Variants in MACROD2 observed in about 807,000 individuals in gnomAD.
MACROD2 encodes the protein mono-ADP ribosylhydrolase 2.
In MACROD2, 36 loss-of-function variants were observed where a neutral mutation model predicts 70.4. The ratio of observed to expected loss-of-function variants is 0.51; its 90% CI spans 0.39 to 0.68. The LOEUF is 0.68. Among genes scored for constraint, MACROD2 ranks in the 30% least tolerant of loss-of-function variants. The pLI, the probability that MACROD2 is intolerant of heterozygous loss-of-function variation, is 0.00. For synonymous variants in MACROD2, 172 were observed against 178.8 expected (o/e 0.96, Z 0.30); for missense variants, 496 against 538.4 (o/e 0.92, Z 0.78).
chr20:14,340,757 A>G (rs191697762), intron 3 of MACROD2, among the ~76,000 whole-genome samples: 117 of 152,298 alleles, frequency 7.7e-4, no homozygotes, highest in African/African-American at 2.7e-3. Context: ...TGCATTTCAG[A>G]TTGAAAGCAA....
intron 8 of MACROD2, among the ~76,000 whole-genome samples, chr20:15,632,916 C>CCCTTCCTCCCCTTCTTTCTT (rs1213991145): frequency 3.5e-4 from 53 of 151,166 alleles, no homozygotes; most frequent in Non-Finnish European, 6.9e-4. Context: ...CCTTCTTTCT[C>CCCTTCCTCCCCTTCTTTCTT]CCTTCCTCCC....
intron 5 of MACROD2, among the ~76,000 whole-genome samples, chr20:14,829,548 G>A (rs1224256697): frequency 1.3e-5 from 2 of 152,000 alleles, no homozygotes; most frequent in African/African-American, 4.8e-5. Context: ...AGCGGCAGTT[G>A]TCTAATGATG....
intron 3 of MACROD2, among the ~76,000 whole-genome samples, chr20:14,342,243 GA>G (rs2083021154): frequency 1.3e-5 from 2 of 152,208 alleles, no homozygotes; most frequent in East Asian, 3.9e-4. Flanking sequence ...GGTTGAGAAG[GA>G]AGGAGTGGAT....
chr20:14,443,600 T>TG (rs2084151018), intron 3 of MACROD2, among the ~76,000 whole-genome samples: 1 of 152,092 alleles, frequency 6.6e-6, no homozygotes, highest in Non-Finnish European at 1.5e-5. Context: ...CCCAGCCTGA[T>TG]GTATGCTATT....
chr20:14,508,815 G>T (rs1679839719), intron 4 of MACROD2, among the ~76,000 whole-genome samples: 1 of 152,058 alleles, frequency 6.6e-6, no homozygotes, highest in Non-Finnish European at 1.5e-5. Context: ...TTACCACCCA[G>T]ATTCTACCTT....
At chr20:14,967,455 T>G (rs115647718) in intron 5 of MACROD2, among the ~76,000 whole-genome samples, 3,343 of 152,088 alleles carry the variant, frequency 0.022, 132 homozygotes, top group African/African-American at 0.075. Flanking sequence ...TGAGCCACCG[T>G]GCCTGGCCGG....
intron 8 of MACROD2, among the ~76,000 whole-genome samples, chr20:15,576,525 T>TGACTAACTTTGTTA (rs1338192948): frequency 2.0e-5 from 3 of 150,904 alleles, no homozygotes; most frequent in Non-Finnish European, 2.9e-5. Context: ...TCCACCAGAC[T>TGACTAACTTTGTTA]GACTAACTTT....
chr20:14,741,772 G>A (rs931721573), intron 5 of MACROD2, among the ~76,000 whole-genome samples: 1 of 151,950 alleles, frequency 6.6e-6, no homozygotes, highest in Non-Finnish European at 1.5e-5. Context: ...CAGTATATGA[G>A]TATAGTCACA....
intron 5 of MACROD2, among the ~76,000 whole-genome samples, chr20:14,716,525 A>T (rs2071398782): frequency 6.6e-6 from 1 of 151,878 alleles, no homozygotes; most frequent in Admixed American, 6.6e-5. Flanking sequence ...GTGGGGAGGG[A>T]TTATTTGTTT....
intron 8 of MACROD2, among the ~76,000 whole-genome samples, chr20:15,653,280 A>C (rs1043091361): frequency 8.5e-5 from 13 of 152,244 alleles, no homozygotes; most frequent in African/African-American, 2.7e-4. Context: ...TCACTTATTC[A>C]TGACATCGTG....
chr20:15,985,977 C>A (rs762778311), intron 13 of MACROD2: 1 of 152,248 alleles, frequency 6.6e-6, no homozygotes, highest in Non-Finnish European at 1.5e-5. Context: ...GTGACAGGGG[C>A]TGCATGCGCC....
chr20:15,317,188 A>G (rs554085437), intron 6 of MACROD2, among the ~76,000 whole-genome samples: 1 of 152,230 alleles, frequency 6.6e-6, no homozygotes, highest in Admixed American at 6.5e-5. Flanking sequence ...TGTATTAAAA[A>G]AGGAAATAAT....
chr20:15,782,799 T>C (rs919807390), intron 8 of MACROD2, among the ~76,000 whole-genome samples: 6 of 151,590 alleles, frequency 4.0e-5, no homozygotes, highest in African/African-American at 1.5e-4. Flanking sequence ...TAATGCCAAT[T>C]TAATTCCTTA....
rs1015945472 is a variant in MACROD2 at position 14,784,655 on chromosome 20, A to G, written c.418+99696A>G. Among the ~76,000 whole-genome samples, 5 of 78,870 alleles carry G rather than the reference A, an allele frequency of 6.3e-5. No individual in the cohort carries two copies. The Admixed American group carries it at 9.4e-4, about 15-fold the overall frequency. 51.7% of individuals were successfully genotyped at this position (78,870 alleles called of 152,430 possible). ...TAAATCCAAATTAGGTCAGAAAAGGATGGTGTTTTAAGTGGGGGGGGGGGG... is the reference window on the plus strand; with the variant it reads ...TAAATCCAAATTAGGTCAGAAAAGGGTGGTGTTTTAAGTGGGGGGGGGGGG... On this transcript the variant is annotated intron_variant, in intron 5 of 17. Coordinates refer to ENST00000684519, the MANE Select transcript of MACROD2 (RefSeq NM_001351661.2).
chr20:14,187,880 C>CACTGGTCTGTACTAAGCTGGACTTTA, intron 3 of MACROD2, among the ~76,000 whole-genome samples: 1 of 152,156 alleles, frequency 6.6e-6, no homozygotes, highest in South Asian at 2.1e-4. Context: ...TCCCATGATC[C>CACTGGTCTGTACTAAGCTGGACTTTA]ACTGGTCTGT....
intron 3 of MACROD2, among the ~76,000 whole-genome samples, chr20:14,309,869 C>T (rs1439586614): frequency 2.0e-5 from 3 of 152,112 alleles, no homozygotes; most frequent in Non-Finnish European, 4.4e-5. Flanking sequence ...TACAAGTGTT[C>T]TCCATTTAGT....
At chr20:14,518,098 T>C (rs1426359726) in intron 4 of MACROD2, among the ~76,000 whole-genome samples, 1 of 151,840 alleles carries the variant, frequency 6.6e-6, no homozygotes, top group Non-Finnish European at 1.5e-5. Flanking sequence ...TTACATATTT[T>C]ATATGATTTA....
intron 5 of MACROD2, among the ~76,000 whole-genome samples, chr20:14,721,384 G>A (rs981989544): frequency 1.3e-5 from 2 of 151,970 alleles, no homozygotes; most frequent in Admixed American, 1.3e-4. Flanking sequence ...GTGACAGAGC[G>A]AGATACTGTC....
chr20:14,398,069 T>C (rs1312934197), intron 3 of MACROD2, among the ~76,000 whole-genome samples: 3 of 152,148 alleles, frequency 2.0e-5, no homozygotes, highest in Non-Finnish European at 4.4e-5. Flanking sequence ...CATTTTTTAT[T>C]GATAAATAGT....
Sources: gnomAD v4.1 joint callset for allele counts (sites outside exome capture counted in the v4.1 genomes callset) on GRCh38, gnomAD v4.1.1 for gene constraint, MANE v1.5 for transcripts, NCBI Gene and HGNC (gene_info 2026-07-23, HGNC 2026-07-21) for gene names.